The following CSTPP1 variants were observed in gnomAD, a reference collection of about 807,000 sequenced individuals.
CSTPP1 encodes UPF0705 protein C11orf49.
chr11:47,038,440 T>G, the CSTPP1 span, among the ~76,000 whole-genome samples: 2 of 96,304 alleles, frequency 2.1e-5, no homozygotes, highest in African/African-American at 6.1e-5. Flanking sequence ...ATGGGGCGGC[T>G]GGCCGGGCGG....
At chr11:47,118,399 C>A in the CSTPP1 span, among the ~76,000 whole-genome samples, 14 of 152,194 alleles carry the variant, frequency 9.2e-5, no homozygotes, top group South Asian at 1.2e-3. Flanking sequence ...TTCGAAAATT[C>A]TTCTTTAGCT....
the CSTPP1 span, among the ~76,000 whole-genome samples, chr11:47,134,032 C>T: frequency 6.6e-6 from 1 of 152,108 alleles, no homozygotes; most frequent in Non-Finnish European, 1.5e-5. Context: ...GAAGACAGGT[C>T]CCCTTCCTCT....
At chr11:46,945,979 G>C in the CSTPP1 span, among the ~76,000 whole-genome samples, 1 of 152,158 alleles carries the variant, frequency 6.6e-6, no homozygotes, top group Non-Finnish European at 1.5e-5. Context: ...TCTGGAATGG[G>C]CCTTTTGGGA....
the CSTPP1 span, among the ~76,000 whole-genome samples, chr11:47,034,143 A>G: frequency 4.6e-5 from 7 of 151,938 alleles, no homozygotes; most frequent in African/African-American, 1.7e-4. Flanking sequence ...AATAAAAGGC[A>G]GTCCATTACC....
At chr11:47,136,728 A>G in the CSTPP1 span, among the ~76,000 whole-genome samples, 70 of 152,052 alleles carry the variant, frequency 4.6e-4, no homozygotes, top group African/African-American at 1.4e-3. Flanking sequence ...CCTCCTCCCA[A>G]TTAGGCAGGC....
At chr11:46,972,783 A>T in the CSTPP1 span, among the ~76,000 whole-genome samples, 1 of 152,212 alleles carries the variant, frequency 6.6e-6, no homozygotes, top group African/African-American at 2.4e-5. Flanking sequence ...AAATTATTTT[A>T]AAAAATCTTC....
chr11:46,962,194 G>A, the CSTPP1 span, among the ~76,000 whole-genome samples: 1 of 152,116 alleles, frequency 6.6e-6, no homozygotes, highest in East Asian at 1.9e-4. Flanking sequence ...GATTTGGGTG[G>A]GGACACAGCC....
the CSTPP1 span, among the ~76,000 whole-genome samples, chr11:47,048,591 C>T: frequency 6.6e-6 from 1 of 150,882 alleles, no homozygotes; most frequent in African/African-American, 2.4e-5. Flanking sequence ...ACAGATATTA[C>T]ATGATTCCAC....
the CSTPP1 span, among the ~76,000 whole-genome samples, chr11:47,071,984 G>A: frequency 6.6e-6 from 1 of 152,360 alleles, no homozygotes; most frequent in Admixed American, 6.5e-5. Flanking sequence ...CACTCTGTGG[G>A]AGAGGTTCCT....
chr11:47,108,408 G>A, the CSTPP1 span, among the ~76,000 whole-genome samples: 419 of 152,304 alleles, frequency 2.8e-3, 3 homozygotes, highest in African/African-American at 9.4e-3. Flanking sequence ...ACACCCTGGC[G>A]CTTCGCCTGA....
chr11:47,126,736 A>T, the CSTPP1 span, among the ~76,000 whole-genome samples: 2 of 152,094 alleles, frequency 1.3e-5, no homozygotes, highest in Non-Finnish European at 2.9e-5. Flanking sequence ...GTTTGAGACC[A>T]GCCTGAGCAA....
At chr11:47,032,158 A>G in the CSTPP1 span, among the ~76,000 whole-genome samples, 1 of 152,150 alleles carries the variant, frequency 6.6e-6, no homozygotes, top group Non-Finnish European at 1.5e-5. Context: ...GTATCCTTCA[A>G]TCAGTTTGAC....
At chr11:47,162,275 G>A in the CSTPP1 span, 1 of 985,008 alleles carries the variant, frequency 1.0e-6, no homozygotes, top group South Asian at 4.7e-5. Flanking sequence ...CCTAGGCTGA[G>A]GGGAGAAGGG....
chr11:46,948,258 A>C, the CSTPP1 span: 1 of 422,000 alleles, frequency 2.4e-6, no homozygotes, highest in South Asian at 1.6e-5. Flanking sequence ...AGTTCTTTCC[A>C]ACTTTGCCTC....
the CSTPP1 span, among the ~76,000 whole-genome samples, chr11:46,951,600 A>G: frequency 6.6e-6 from 1 of 152,162 alleles, no homozygotes; most frequent in Non-Finnish European, 1.5e-5. Context: ...GTTTTAATAT[A>G]TAGAAGATAA....
At chr11:46,953,076 G>C in the CSTPP1 span, among the ~76,000 whole-genome samples, 1 of 152,166 alleles carries the variant, frequency 6.6e-6, no homozygotes, top group African/African-American at 2.4e-5. Context: ...AGAGTTTCAA[G>C]ATGGAGGAAG....
At chr11:46,948,123 G>A in the CSTPP1 span, 1 of 456,152 alleles carries the variant, frequency 2.2e-6, no homozygotes, top group Non-Finnish European at 4.4e-6. Flanking sequence ...AGAACCGGTC[G>A]GCTCCATGGT....
chr11:46,991,916 T>G, the CSTPP1 span, among the ~76,000 whole-genome samples: 8 of 152,122 alleles, frequency 5.3e-5, no homozygotes, highest in Non-Finnish European at 1.0e-4. Context: ...AATTTTTGTA[T>G]TTTTACTAGA....
the CSTPP1 span, among the ~76,000 whole-genome samples, chr11:46,972,014 T>G: frequency 6.6e-6 from 1 of 152,186 alleles, no homozygotes; most frequent in Non-Finnish European, 1.5e-5. Context: ...GTCAAAAAAA[T>G]GAAATTAAAA....
Sources: allele counts gnomAD v4.1 joint callset (sites outside exome capture counted in the v4.1 genomes callset), GRCh38; gene constraint gnomAD v4.1.1; transcripts MANE v1.5; gene names NCBI Gene and HGNC (gene_info 2026-07-23, HGNC 2026-07-21).